The following RAB9B variants were observed in gnomAD, a reference collection of about 807,000 sequenced individuals.
The protein encoded by RAB9B is RAB9B, member RAS oncogene family, also known as ras-related protein Rab-9B.
RAB9B carries 1 observed loss-of-function variant against 8.9 expected under a neutral mutation model. The ratio of observed to expected loss-of-function variants is 0.11; its 90% CI spans 0.04 to 0.53. The LOEUF (loss-of-function observed/expected upper bound fraction) is 0.53. Ranked by LOEUF, RAB9B falls within the 20% of genes least tolerant of loss-of-function variation. The probability of loss-of-function intolerance (pLI) is 0.93; values close to 1 mark genes in which losing one functional copy is unlikely to be tolerated. For synonymous variants in RAB9B, 63 were observed against 57.0 expected (o/e 1.10, Z -0.47); for missense variants, 82 against 152.9 (o/e 0.54, Z 2.45).
rs1444661731 is a variant in RAB9B at position 103,822,964 on chromosome X, G to A, written c.*2215C>T. 2.7e-5 allele frequency: 3 copies of A among 111,234 alleles called. No individual in the cohort carries two copies. The highest frequency in any genetic ancestry group is 9.6e-5 in the Admixed American group (1 of 10,393). The allele number at this position is 111,234 out of a possible 1,213,427, so 9.2% of individuals were successfully genotyped here. On this transcript the variant is annotated 3_prime_UTR_variant, in exon 3 of 3. Transcript: ENST00000243298. The stretch of plus-strand genomic sequence containing the variant: ...ATAAAATTAACACTTGTCTTAGATG[G>A]ACAGGATGCCTATGAATCCGATACC...
At chrX:103,799,792 A>G in the RAB9B span, among the ~76,000 whole-genome samples, 1 of 112,320 alleles carries the variant, frequency 8.9e-6, no homozygotes, top group Non-Finnish European at 1.9e-5. Context: ...ATTGAGTAAC[A>G]TTTTAAAATG....
At chrX:103,783,431 C>T in the RAB9B span, among the ~76,000 whole-genome samples, 2 of 112,496 alleles carry the variant, frequency 1.8e-5, no homozygotes, top group Non-Finnish European at 3.8e-5. Flanking sequence ...CAAATGTTAG[C>T]TGCTTACTTT....
the RAB9B span, chrX:103,785,825 A>G: frequency 9.6e-7 from 1 of 1,044,216 alleles, no homozygotes; most frequent in Admixed American, 2.2e-5. Context: ...TCCATCCTGG[A>G]GATAGAGAAC....
chrX:103,801,486 C>G, the RAB9B span, among the ~76,000 whole-genome samples: 1 of 111,560 alleles, frequency 9.0e-6, no homozygotes, highest in East Asian at 2.8e-4. Flanking sequence ...TATTGTTTCA[C>G]CAGAAGATCC....
the RAB9B span, chrX:103,790,927 C>T: frequency 3.4e-6 from 1 of 292,530 alleles, no homozygotes; most frequent in Non-Finnish European, 6.1e-6. Flanking sequence ...AAAGTAATTT[C>T]TTCTCAAAGG....
At chrX:103,820,702 G>A (rs940640852), downstream of RAB9B, among the ~76,000 whole-genome samples, 2 of 110,718 alleles carry the variant, frequency 1.8e-5, no homozygotes, top group African/African-American at 6.6e-5. Flanking sequence ...TGTAATCCCA[G>A]AACTTTGGGA....
At chrX:103,825,872 A>T in intron 2 of RAB9B, 46 bp from the exon 3 acceptor site, 6 of 936,100 alleles carry the variant, frequency 6.4e-6, no homozygotes, top group South Asian at 2.6e-5. Context: ...TAAACCTGAA[A>T]CTGAAATCAA....
chrX:103,797,663 T>C, the RAB9B span, among the ~76,000 whole-genome samples: 269 of 111,388 alleles, frequency 2.4e-3, 1 homozygote, highest in African/African-American at 8.2e-3. Context: ...AGTCCCAAAG[T>C]TGAACAGAGG....
chrX:103,811,137 A>C, the RAB9B span, among the ~76,000 whole-genome samples: 7 of 111,729 alleles, frequency 6.3e-5, no homozygotes, highest in African/African-American at 2.3e-4. Context: ...AAAAAATGGT[A>C]AGTTTTCTGT....
the RAB9B span, among the ~76,000 whole-genome samples, chrX:103,797,176 C>A: frequency 9.3e-6 from 1 of 107,023 alleles, no homozygotes; most frequent in Admixed American, 1.0e-4. Context: ...CAGCCTTGAC[C>A]TCCTGGGCTC....
the RAB9B span, among the ~76,000 whole-genome samples, chrX:103,802,869 C>T: frequency 9.0e-6 from 1 of 111,086 alleles, no homozygotes; most frequent in Admixed American, 9.6e-5. Flanking sequence ...AATCCACCTT[C>T]TGTCTCTGTG....
chrX:103,807,888 G>A, the RAB9B span, among the ~76,000 whole-genome samples: 45 of 112,221 alleles, frequency 4.0e-4, no homozygotes, highest in Admixed American at 4.2e-3. Context: ...TTCCACCATT[G>A]ATTCCCAGTC....
At chrX:103,794,071 G>T in the RAB9B span, among the ~76,000 whole-genome samples, 1 of 111,525 alleles carries the variant, frequency 9.0e-6, no homozygotes, top group Non-Finnish European at 1.9e-5. Flanking sequence ...GGGCAGTGTG[G>T]GTAGAAAGGT....
the RAB9B span, among the ~76,000 whole-genome samples, chrX:103,803,212 G>A: frequency 8.9e-6 from 1 of 111,778 alleles, no homozygotes; most frequent in Non-Finnish European, 1.9e-5. Context: ...ATGGATTTAT[G>A]CCTAGGAGTA....
At chrX:103,787,585 T>A in the RAB9B span, 1 of 441,891 alleles carries the variant, frequency 2.3e-6, no homozygotes, top group African/African-American at 2.4e-5. Context: ...CCCCTACCCA[T>A]TCCCCCCACC....
At chrX:103,796,788 C>T in the RAB9B span, among the ~76,000 whole-genome samples, 1 of 93,787 alleles carries the variant, frequency 1.1e-5, no homozygotes, top group African/African-American at 4.1e-5. Flanking sequence ...ATCATTGTAG[C>T]TCAGTATAGT....
Position 103,822,785 on chromosome X carries a change from C to T in RAB9B, c.*2394G>A, listed in dbSNP as rs1408931479. 1 of 111,049 alleles carries T rather than the reference C, an allele frequency of 9.0e-6. No individual in the cohort carries two copies. Among genetic ancestry groups the T allele is most frequent in the East Asian group, 2.8e-4 (1 of 3,537 alleles). The allele number at this position is 111,049 out of a possible 1,213,427, so 9.2% of individuals were successfully genotyped here. A position where few individuals can be genotyped will look rare whatever the true frequency, so the allele number is the denominator to read the frequency against. On this transcript the variant is annotated 3_prime_UTR_variant, in exon 3 of 3. Coordinates refer to ENST00000243298, the MANE Select transcript of RAB9B (RefSeq NM_016370.4). ...AGCCTTTGGTGTTTTTTAATCTTAC[C>T]CAAACTGTATGTCAGCACCCCACTG...
In RAB9B at chrX:103,823,704, T is replaced by C. The variant is rs187425535; in HGVS notation, c.*1475A>G. On this transcript the variant is annotated 3_prime_UTR_variant, in exon 3 of 3. Coordinates refer to ENST00000243298, the MANE Select transcript of RAB9B (RefSeq NM_016370.4). ...ACTGACAGTCATGGTAATCAAAAAT[T>C]GTCAAACCATTTTTATATTTTAACA... 5.3e-5 allele frequency: 6 copies of C among 112,531 alleles called. No homozygotes were observed. Among genetic ancestry groups the C allele is most frequent in the Admixed American group, 3.8e-4 (4 of 10,615 alleles). 9.3% of individuals were successfully genotyped at this position (112,531 alleles called of 1,213,427 possible). A position where few individuals can be genotyped will look rare whatever the true frequency, so the allele number is the denominator to read the frequency against.
the RAB9B span, among the ~76,000 whole-genome samples, chrX:103,814,271 G>A: frequency 1.0e-3 from 114 of 111,865 alleles, 1 homozygote; most frequent in Admixed American, 5.6e-3. Flanking sequence ...TTAGAACTCA[G>A]GATTAAGAAT....
Sources: gnomAD v4.1 joint callset for allele counts (sites outside exome capture counted in the v4.1 genomes callset) on GRCh38, gnomAD v4.1.1 for gene constraint, MANE v1.5 for transcripts, NCBI Gene and HGNC (gene_info 2026-07-23, HGNC 2026-07-21) for gene names.